The following GBP3 variants were observed in gnomAD, a reference collection of about 807,000 sequenced individuals.
GBP3 encodes the protein guanylate binding protein 3.
In GBP3, 55 loss-of-function variants were observed where a neutral mutation model predicts 62.4. The ratio of observed to expected loss-of-function variants is 0.88; its 90% CI spans 0.71 to 1.10. The LOEUF (loss-of-function observed/expected upper bound fraction) is 1.10. Among genes scored for constraint, GBP3 ranks in the 50% least tolerant of loss-of-function variants. The pLI is 0.00. For missense variants in GBP3, 605 were observed against 690.6 expected, an observed-to-expected ratio of 0.88 and a Z score of 1.39; for synonymous variants, 208 against 259.2, an observed-to-expected ratio of 0.80 and a Z score of 1.90.
In GBP3 at chr1:89,007,580, T is replaced by C; in HGVS notation, c.*144A>G. 10 of 768,992 alleles carry C rather than the reference T, an allele frequency of 1.3e-5. No homozygotes were observed. Among genetic ancestry groups the C allele is most frequent in the Non-Finnish European group, 1.9e-5 (9 of 475,744 alleles). The allele number at this position is 768,992 out of a possible 1,614,324, so 47.6% of individuals were successfully genotyped here. On this transcript the variant is annotated 3_prime_UTR_variant, in exon 11 of 11. Transcript: ENST00000370481. The stretch of plus-strand genomic sequence containing the variant: ...AATCTTTTTAAGGAAAAAACATGAT[T>C]TTGATCATTGAACTGCATGTTCTTG...
At chr1:89,013,902 ATTCCTTTT>A (rs1180037431) in intron 5 of GBP3, 173 bp downstream of exon 5, 22 of 595,098 alleles carry the variant, frequency 3.7e-5, no homozygotes, top group Non-Finnish European at 8.7e-6. Flanking sequence ...GCAAGCATTC[ATTCCTTTT>A]TTCCTTTTTT....
At chr1:89,020,388 G>T in intron 2 of GBP3, 144 bp downstream of exon 2, 1 of 868,468 alleles carries the variant, frequency 1.2e-6, no homozygotes, top group Non-Finnish European at 1.9e-6. Context: ...TTATCCCCTA[G>T]AAGAGTGAAG....
intron 10 of GBP3, 45 bp from the exon 11 acceptor site, chr1:89,007,897 A>T (rs765449569): frequency 1.9e-6 from 3 of 1,570,102 alleles, no homozygotes; most frequent in Non-Finnish European, 2.6e-6. Context: ...GCATTAAGTA[A>T]ATCTCTGTAA....
intron 1 of GBP3, among the ~76,000 whole-genome samples, chr1:89,021,973 C>G (rs911307861): frequency 1.5e-4 from 22 of 150,942 alleles, no homozygotes; most frequent in African/African-American, 5.1e-4. Flanking sequence ...AAGATACCGG[C>G]TTTAGTAGTG....
At chr1:89,014,474 C>T in intron 4 of GBP3, 73 bp downstream of exon 4, 4 of 1,613,770 alleles carry the variant, frequency 2.5e-6, no homozygotes, top group Non-Finnish European at 3.4e-6. Context: ...TCAGGATTCA[C>T]AGTCAGGCAG....
In GBP3 at chr1:89,020,529, C is replaced by T; in HGVS notation, c.190+3G>A. The stretch of plus-strand genomic sequence containing the variant: ...TTGGCAGAGCTTTGCTCATGCCACT[C>T]ACCCTTATTCTTCCCAGCTAGCTTG... On this transcript the variant is annotated splice_donor_region_variant and intron_variant, in intron 2 of 10. Transcript: ENST00000370481. 1 of 1,614,166 alleles carries T rather than the reference C, an allele frequency of 6.2e-7. No homozygotes were observed. The highest frequency in any genetic ancestry group is 8.5e-7 in the Non-Finnish European group (1 of 1,180,010).
intron 10 of GBP3, among the ~76,000 whole-genome samples, chr1:89,008,255 G>T (rs1479116596): frequency 6.6e-6 from 1 of 151,418 alleles, no homozygotes; most frequent in East Asian, 1.9e-4. Flanking sequence ...AATCTGATTA[G>T]GTATATGAAT....
At chr1:89,019,076 A>G (rs1679039438) in intron 2 of GBP3, among the ~76,000 whole-genome samples, 1 of 152,248 alleles carries the variant, frequency 6.6e-6, no homozygotes, top group African/African-American at 2.4e-5. Flanking sequence ...AAAATTTAAC[A>G]TGGAATGACT....
chr1:89,013,471 C>T (rs375635016), intron 5 of GBP3, 44 bp from the exon 6 acceptor site: 71 of 1,562,076 alleles, frequency 4.5e-5, no homozygotes, highest in Non-Finnish European at 5.5e-5. Flanking sequence ...TAAGTGTTTC[C>T]GTAAAGCGTC....
At chr1:89,016,467 C>T (rs180974298) in intron 2 of GBP3, among the ~76,000 whole-genome samples, 12 of 152,048 alleles carry the variant, frequency 7.9e-5, no homozygotes, top group East Asian at 3.9e-4. Context: ...TGCAGTGAGC[C>T]GAGATTGTGC....
chr1:89,020,217 G>A, intron 2 of GBP3: 1 of 406,326 alleles, frequency 2.5e-6, no homozygotes, highest in South Asian at 2.0e-5. Context: ...CCAGCCTGGG[G>A]AAAGAGCAAG....
At chr1:89,013,653 T>C in intron 5 of GBP3, 1 of 534,868 alleles carries the variant, frequency 1.9e-6, no homozygotes, top group Non-Finnish European at 3.3e-6. Flanking sequence ...GGCCATCATT[T>C]GTCTTAGGCT....
In GBP3 at chr1:89,008,953, T is replaced by A; in HGVS notation, c.1653A>T (p.Lys551Asn). 1 of 1,614,038 alleles carries A rather than the reference T, an allele frequency of 6.2e-7. No individual in the cohort carries two copies. Among genetic ancestry groups the A allele is most frequent in the Non-Finnish European group, 8.5e-7 (1 of 1,179,912 alleles). The change falls in exon 10 of 11, where the codon AAA becomes AAT. Residue 551 changes from lysine to asparagine, a missense_variant. Physicochemically the swap from Lys to Asn is moderately conservative, Grantham distance 94. Around this residue, in one of 3 missense-constraint regions of GBP3, gnomAD observed 160 missense variants for 147.8 expected, o/e 1.08. Coordinates refer to ENST00000370481, the MANE Select transcript of GBP3 (RefSeq NM_018284.3). ...AGGTGATGCATTTGGATACCTGAAG[T>A]TTACTAGTGAGGGTCTTCTCTTGCT... ...LEEQEKTLTS[K>N]LQEQARVLKE...
At position 89,007,818 on chromosome 1, in the gene GBP3, C is replaced by G. The variant is rs1187044184; in HGVS notation, c.1694G>C (p.Gly565Ala). 6.2e-7 allele frequency: 1 copy of G among 1,613,396 alleles called. No homozygotes were observed. Among genetic ancestry groups the G allele is most frequent in the Non-Finnish European group, 8.5e-7 (1 of 1,179,702 alleles). Residue 565 changes from glycine (G) to alanine (A), a missense_variant, in exon 11 of 11, where the codon GGT (glycine) becomes GCT (alanine). By Grantham distance (60) the Gly-to-Ala change is moderately conservative. Coordinates refer to ENST00000370481, the MANE Select transcript of GBP3 (RefSeq NM_018284.3). ...CTCATTTTGAAGTTGGGTACTTTCA[C>G]CTTGGCATCTCTCCTTTAGTACTCG... ...QARVLKERCQ[G>A]ESTQLQNEIQ...
At chr1:89,008,030 GT>G (rs1387458553) in intron 10 of GBP3, among the ~76,000 whole-genome samples, 178 bp from the exon 11 acceptor site, 1 of 151,738 alleles carries the variant, frequency 6.6e-6, no homozygotes, top group African/African-American at 2.4e-5. Flanking sequence ...TTTCTCCTGG[GT>G]TTTCTATAGC....
chr1:89,009,547 T>G (rs4142706), intron 8 of GBP3, 53 bp from the exon 9 acceptor site: 724,905 of 1,603,512 alleles, frequency 0.45, 165,996 homozygotes, highest in East Asian at 0.59. Context: ...GTAAGCAGGT[T>G]TTCCTGTTCT....
intron 10 of GBP3, among the ~76,000 whole-genome samples, chr1:89,008,578 A>G (rs778451707): frequency 6.6e-6 from 1 of 150,962 alleles, no homozygotes; most frequent in Non-Finnish European, 1.5e-5. Flanking sequence ...GCTGTGTGAC[A>G]CTATAAAAGT....
chr1:89,016,204 C>T (rs933240107), intron 2 of GBP3, among the ~76,000 whole-genome samples: 2 of 152,132 alleles, frequency 1.3e-5, no homozygotes, highest in Non-Finnish European at 2.9e-5. Flanking sequence ...ACCAAAAGGG[C>T]AAACTACTTC....
chr1:89,009,111 C>T lies in GBP3; in HGVS notation c.1495G>A (p.Ala499Thr), dbSNP rs767866856. 1.9e-6 allele frequency: 3 copies of T among 1,613,982 alleles called. No individual in the cohort carries two copies. Among genetic ancestry groups the T allele is most frequent in the African/African-American group, 1.3e-5 (1 of 74,920 alleles). ...ATTTCCTCCACCATTTTTGCTGAAG[C>T]CTGTGCAGATTCAGCTTTTACACAT... ...VECVKAESAQ[A>T]SAKMVEEMQI... Residue 499 changes from alanine to threonine, a missense_variant, in exon 10 of 11, where the codon GCT (alanine) becomes ACT (threonine). Ala to Thr is a moderately conservative substitution (Grantham distance 58). Coordinates refer to ENST00000370481, the MANE Select transcript of GBP3 (RefSeq NM_018284.3).
Sources: gnomAD v4.1 joint callset for allele counts (sites outside exome capture counted in the v4.1 genomes callset) on GRCh38, gnomAD v4.1.1 for gene constraint, gnomAD v4.1.1 regional missense constraint, MANE v1.5 for transcripts, NCBI Gene and HGNC (gene_info 2026-07-23, HGNC 2026-07-21) for gene names.